The following TRIM66 variants were observed in gnomAD, a reference collection of about 807,000 sequenced individuals.
TRIM66 encodes tripartite motif-containing protein 66.
TRIM66 carries 99 observed loss-of-function variants against 148.2 expected under a neutral mutation model. That is an observed-to-expected ratio of 0.67 (90% CI 0.57 to 0.79). TRIM66 has a LOEUF of 0.79. Among genes scored for constraint, TRIM66 ranks in the 30% least tolerant of loss-of-function variants. The probability of loss-of-function intolerance (pLI) is 0.00; values close to 1 mark genes in which losing one functional copy is unlikely to be tolerated. For synonymous variants in TRIM66, 616 were observed against 635.9 expected, an observed-to-expected ratio of 0.97 and a Z score of 0.47; for missense variants, 1,666 against 1,697.9, an observed-to-expected ratio of 0.98 and a Z score of 0.33.
At chr11:8,635,238 C>T (rs1255597414) in intron 15 of TRIM66, among the ~76,000 whole-genome samples, 1 of 152,180 alleles carries the variant, frequency 6.6e-6, no homozygotes, top group East Asian at 1.9e-4. Flanking sequence ...GTCACTTAAC[C>T]TCTCTGTGTC....
chr11:8,631,801 G>T (rs2035424469), intron 15 of TRIM66, among the ~76,000 whole-genome samples: 1 of 152,212 alleles, frequency 6.6e-6, no homozygotes, highest in Non-Finnish European at 1.5e-5. Flanking sequence ...ACCCACATAT[G>T]AGTTTATGAT....
intron 12 of TRIM66, among the ~76,000 whole-genome samples, chr11:8,645,139 A>C (rs2036736392): frequency 1.3e-5 from 2 of 152,156 alleles, no homozygotes; most frequent in Admixed American, 6.5e-5. Flanking sequence ...GGTGACTCCT[A>C]CATCTCCTTC....
chr11:8,640,329 G>C lies in TRIM66; in HGVS notation c.2046C>G (p.Thr682=). ...AQQPSLQLSQ[T]KSPQHLQQTI... is the part of the protein sequence containing the mutation. Reference sequence around the variant, plus strand: ...TTTGCTGAAGATGCTGAGGAGATTTGGTCTGACTCAGTTGCAGGCTGGGCT... The same window carrying C: ...TTTGCTGAAGATGCTGAGGAGATTTCGTCTGACTCAGTTGCAGGCTGGGCT... The change falls in exon 14 of 25, where the codon ACC becomes ACG. Residue 682 remains threonine, a synonymous_variant. Coordinates refer to ENST00000646038, the MANE Select transcript of TRIM66 (RefSeq NM_001388022.1). 6.4e-7 allele frequency: 1 copy of C among 1,551,706 alleles called. No individual in the cohort carries two copies. The highest frequency in any genetic ancestry group is 8.7e-7 in the Non-Finnish European group (1 of 1,147,018).
intron 6 of TRIM66, among the ~76,000 whole-genome samples, chr11:8,665,307 C>G (rs1462415238): frequency 1.3e-5 from 2 of 152,196 alleles, no homozygotes; most frequent in Non-Finnish European, 2.9e-5. Context: ...AGACAGGTGA[C>G]AGCTCTGCCT....
intron 6 of TRIM66, among the ~76,000 whole-genome samples, chr11:8,658,363 G>A (rs929963145): frequency 6.6e-6 from 1 of 152,188 alleles, no homozygotes; most frequent in African/African-American, 2.4e-5. Flanking sequence ...TCAGGAACTA[G>A]CTCTGTCGCC....
chr11:8,661,406 C>A (rs918975834), intron 6 of TRIM66, among the ~76,000 whole-genome samples: 11 of 152,360 alleles, frequency 7.2e-5, no homozygotes, highest in African/African-American at 2.2e-4. Context: ...GGGCTCATTT[C>A]ATCTGACAGA....
At chr11:8,670,568 TGGAGTAC>T (rs2038876854) in intron 6 of TRIM66, among the ~76,000 whole-genome samples, 1 of 152,220 alleles carries the variant, frequency 6.6e-6, no homozygotes, top group Non-Finnish European at 1.5e-5. Context: ...GCTAGATAAT[TGGAGTAC>T]TTACAAAGAA....
intron 24 of TRIM66, 95 bp from the exon 25 acceptor site, chr11:8,618,098 A>G: frequency 8.2e-7 from 1 of 1,221,192 alleles, no homozygotes; most frequent in Admixed American, 2.0e-5. Context: ...TGCCAAGTCA[A>G]CGTATTTTAT....
intron 6 of TRIM66, among the ~76,000 whole-genome samples, chr11:8,652,109 T>C (rs550438240): frequency 3.0e-4 from 45 of 152,306 alleles, no homozygotes; most frequent in Middle Eastern, 6.8e-3. Flanking sequence ...CTACAGACCA[T>C]CTGGTCTCCT....
intron 15 of TRIM66, among the ~76,000 whole-genome samples, chr11:8,626,435 G>C (rs1214434245): frequency 6.6e-6 from 1 of 152,126 alleles, no homozygotes; most frequent in Non-Finnish European, 1.5e-5. Context: ...CATGAACACT[G>C]TCCTCATCTC....
In TRIM66 at chr11:8,682,581, C is replaced by T; in HGVS notation, c.-548+20G>A. 1.7e-6 allele frequency: 1 copy of T among 596,646 alleles called. No homozygotes were observed. The highest frequency in any genetic ancestry group is 3.0e-6 in the Non-Finnish European group (1 of 334,122). The allele number at this position is 596,646 out of a possible 1,614,324, so 37.0% of individuals were successfully genotyped here. A position where few individuals can be genotyped will look rare whatever the true frequency, so the allele number is the denominator to read the frequency against. The stretch of plus-strand genomic sequence containing the variant: ...TCTTCAACAGTTCTCGCCCTCCGAG[C>T]CTAGCACAACGAGCCTCACCGAAAC... On this transcript the variant is annotated intron_variant, in intron 1 of 24. Coordinates refer to ENST00000646038, the MANE Select transcript of TRIM66 (RefSeq NM_001388022.1).
chr11:8,614,357 AT>A lies in TRIM66; in HGVS notation c.*3586del, dbSNP rs2033591771. ...CTCTCTCTCAAAAAATAAAAAATAA[AT>A]AAATAAATAAATAAATAAAGTTGAA... On this transcript the variant is annotated 3_prime_UTR_variant, in exon 25 of 25. Coordinates refer to ENST00000646038, the MANE Select transcript of TRIM66 (RefSeq NM_001388022.1). The A allele has an allele frequency of 2.0e-5, 3 of 152,050 alleles. No individual in the cohort carries two copies. The highest frequency in any genetic ancestry group is 6.6e-5 in the Admixed American group (1 of 15,258). The allele number at this position is 152,050 out of a possible 1,614,324, so 9.4% of individuals were successfully genotyped here.
intron 15 of TRIM66, among the ~76,000 whole-genome samples, chr11:8,628,611 T>TAA (rs2035082126): frequency 4.7e-5 from 1 of 21,300 alleles, no homozygotes; most frequent in African/African-American, 1.3e-4. Flanking sequence ...AGACCCTGTC[T>TAA]CAAAAAAAAA....
In TRIM66 at chr11:8,620,997, T is replaced by C. The variant is rs1565472707; in HGVS notation, c.3545+35A>G. On this transcript the variant is annotated intron_variant, in intron 20 of 24. Transcript: ENST00000646038. ...AATCATCCCTGGAAGGTAACCCTACTAGCCAGGTGATGGTCCTGGACTGGC... is the reference window on the plus strand; with the variant it reads ...AATCATCCCTGGAAGGTAACCCTACCAGCCAGGTGATGGTCCTGGACTGGC... The C allele has an allele frequency of 1.9e-6, 3 of 1,539,224 alleles. No individual in the cohort carries two copies. In the South Asian group the frequency reaches 3.7e-5, roughly 19 times the overall value.
At chr11:8,645,375 C>A (rs1193264826) in intron 12 of TRIM66, among the ~76,000 whole-genome samples, 1 of 152,218 alleles carries the variant, frequency 6.6e-6, no homozygotes, top group African/African-American at 2.4e-5. Flanking sequence ...TTCTCTCAGA[C>A]CCCCGTGTAA....
chr11:8,648,802 A>C (rs1476542244), intron 8 of TRIM66, among the ~76,000 whole-genome samples: 1 of 152,236 alleles, frequency 6.6e-6, no homozygotes, highest in Admixed American at 6.5e-5. Flanking sequence ...GAGGCTGAGG[A>C]AGGCGCTTGC....
intron 15 of TRIM66, among the ~76,000 whole-genome samples, chr11:8,636,501 A>G (rs1209755483): frequency 6.6e-6 from 1 of 151,968 alleles, no homozygotes; most frequent in East Asian, 1.9e-4. Context: ...TCTTCCCCTA[A>G]ATATGCTCTT....
At chr11:8,647,832 G>A in intron 10 of TRIM66, 138 bp downstream of exon 10, 2 of 703,356 alleles carry the variant, frequency 2.8e-6, no homozygotes, top group East Asian at 2.7e-5. Flanking sequence ...CAAGACATAT[G>A]CCTTCTAGGA....
chr11:8,667,245 C>CT (rs2038659668), intron 6 of TRIM66, among the ~76,000 whole-genome samples: 1 of 152,110 alleles, frequency 6.6e-6, no homozygotes, highest in Non-Finnish European at 1.5e-5. Context: ...AACTATAAAA[C>CT]TCCTAGAAGA....
Sources: gnomAD v4.1 joint callset for allele counts (sites outside exome capture counted in the v4.1 genomes callset) on GRCh38, gnomAD v4.1.1 for gene constraint, MANE v1.5 for transcripts, NCBI Gene and HGNC (gene_info 2026-07-23, HGNC 2026-07-21) for gene names.